Variants in GPHN observed in about 807,000 individuals in gnomAD.
GPHN encodes gephyrin.
In GPHN, 17 loss-of-function variants were observed where a neutral mutation model predicts 95.5. The observed-to-expected ratio is 0.18, with a 90% CI of 0.12 to 0.27. GPHN has a LOEUF of 0.27. GPHN is among the 10% of genes least tolerant of loss of function. GPHN has a pLI of 1.00. For missense variants in GPHN, 660 were observed against 978.1 expected (o/e 0.67, Z 4.34); for synonymous variants, 320 against 322.5 (o/e 0.99, Z 0.08).
intron 8 of GPHN, among the ~76,000 whole-genome samples, chr14:66,946,082 C>T (rs1393487766): frequency 6.6e-6 from 1 of 151,678 alleles, no homozygotes; most frequent in Admixed American, 6.6e-5. Context: ...TCAGAGGAAA[C>T]TTAGACATGT....
the GPHN span, among the ~76,000 whole-genome samples, chr14:67,235,443 C>T: frequency 2.6e-5 from 4 of 152,116 alleles, no homozygotes; most frequent in Admixed American, 6.5e-5. Context: ...GGGCCAGGCG[C>T]GGTGGCTCAC....
the GPHN span, among the ~76,000 whole-genome samples, chr14:67,373,431 G>C: frequency 6.6e-6 from 1 of 152,142 alleles, no homozygotes; most frequent in Admixed American, 6.5e-5. Context: ...GATGTGAAAG[G>C]GCATTTGACA....
At chr14:67,392,758 G>A in the GPHN span, 3 of 1,614,088 alleles carry the variant, frequency 1.9e-6, no homozygotes, top group South Asian at 3.3e-5. Context: ...GCCTGAGGAA[G>A]TTCTCCTCCA....
intron 5 of GPHN, among the ~76,000 whole-genome samples, chr14:66,906,163 G>T (rs779960272): frequency 6.6e-6 from 1 of 152,064 alleles, no homozygotes; most frequent in Admixed American, 6.5e-5. Flanking sequence ...TCGTGCCCAG[G>T]GAACCTGTGG....
At chr14:67,382,895 A>G in the GPHN span, among the ~76,000 whole-genome samples, 1 of 146,800 alleles carries the variant, frequency 6.8e-6, no homozygotes, top group Non-Finnish European at 1.5e-5. Context: ...AAGTGTGTGT[A>G]CGTGCGTGCG....
chr14:67,597,801 C>T, the GPHN span, among the ~76,000 whole-genome samples: 1 of 150,774 alleles, frequency 6.6e-6, no homozygotes, highest in Non-Finnish European at 1.5e-5. Flanking sequence ...AATATCCCAT[C>T]ACATCCAAGG....
chr14:67,187,731 A>C, the GPHN span, among the ~76,000 whole-genome samples: 1 of 152,088 alleles, frequency 6.6e-6, no homozygotes, highest in Non-Finnish European at 1.5e-5. Context: ...GTTACCCCTC[A>C]AACCCTGTCA....
At chr14:67,042,513 A>G (rs2074763220) in intron 10 of GPHN, among the ~76,000 whole-genome samples, 1 of 152,298 alleles carries the variant, frequency 6.6e-6, no homozygotes, top group South Asian at 2.1e-4. Context: ...TGTGTGTGTC[A>G]GGTTTGTCAA....
intron 2 of GPHN, among the ~76,000 whole-genome samples, chr14:66,756,618 C>G (rs1198547148): frequency 3.3e-5 from 5 of 152,120 alleles, no homozygotes; most frequent in Non-Finnish European, 1.5e-5. Context: ...TTTAAGTGAT[C>G]AATCCTGGAC....
At chr14:66,933,977 G>A (rs147075497) in intron 8 of GPHN, among the ~76,000 whole-genome samples, 173 of 151,616 alleles carry the variant, frequency 1.1e-3, no homozygotes, top group Middle Eastern at 0.01. Context: ...CATCTCTACT[G>A]AAAAATAAAA....
At chr14:67,477,596 C>A in the GPHN span, among the ~76,000 whole-genome samples, 13 of 152,154 alleles carry the variant, frequency 8.5e-5, no homozygotes, top group Admixed American at 3.3e-4. Context: ...ACAGCTCCCC[C>A]TAATGTCCCA....
the GPHN span, among the ~76,000 whole-genome samples, chr14:67,535,370 CTTTTTTTTTTTTTTT>C: frequency 1.3e-5 from 1 of 74,192 alleles, no homozygotes; most frequent in African/African-American, 6.1e-5. Context: ...GTGAGCACAT[CTTTTTTTTTTTTTTT>C]TTTTTTTTTT....
chr14:66,893,325 A>G lies in GPHN; in HGVS notation c.389+13292A>G, dbSNP rs188178537. Among the ~76,000 whole-genome samples the G allele has an allele frequency of 1.5e-4, 23 of 152,236 alleles. No homozygotes were observed. The East Asian group carries it at 3.7e-3, about 24-fold the overall frequency. On this transcript the variant is annotated intron_variant, in intron 5 of 22. Coordinates refer to ENST00000478722, the MANE Select transcript of GPHN (RefSeq NM_020806.5). ...CTGGGGCTCATCGGACAGTGGGGGC[A>G]GGACAGTGGTTGCAGCCCACTGAGT...
chr14:66,576,246 C>T (rs759936785), intron 1 of GPHN, among the ~76,000 whole-genome samples: 3 of 152,052 alleles, frequency 2.0e-5, no homozygotes, highest in Non-Finnish European at 4.4e-5. Flanking sequence ...AGGCTGGGGC[C>T]ACAGGAGCTG....
intron 1 of GPHN, among the ~76,000 whole-genome samples, chr14:66,555,591 C>T (rs558247805): frequency 6.6e-6 from 1 of 152,118 alleles, no homozygotes; most frequent in East Asian, 1.9e-4. Context: ...CTACCAAATA[C>T]ATTATCATTG....
the GPHN span, among the ~76,000 whole-genome samples, chr14:67,606,668 C>T: frequency 9.9e-5 from 15 of 151,992 alleles, no homozygotes; most frequent in African/African-American, 4.8e-5. Flanking sequence ...TGTTTTGAGA[C>T]GGAGTTTTGC....
chr14:66,559,225 A>C (rs1271528872), intron 1 of GPHN, among the ~76,000 whole-genome samples: 1 of 152,174 alleles, frequency 6.6e-6, no homozygotes, highest in African/African-American at 2.4e-5. Flanking sequence ...TTATAGCAGC[A>C]TGATTTATAG....
At chr14:67,487,911 A>G in the GPHN span, among the ~76,000 whole-genome samples, 1 of 152,164 alleles carries the variant, frequency 6.6e-6, no homozygotes, top group African/African-American at 2.4e-5. Flanking sequence ...GGCGTGAGCC[A>G]CTGTGCCTGG....
At chr14:66,883,034 T>A (rs1191095933) in intron 5 of GPHN, among the ~76,000 whole-genome samples, 1 of 151,822 alleles carries the variant, frequency 6.6e-6, no homozygotes, top group Non-Finnish European at 1.5e-5. Flanking sequence ...ATGATGTATC[T>A]GGGTGTAGTT....
Sources: allele counts gnomAD v4.1 joint callset (sites outside exome capture counted in the v4.1 genomes callset), GRCh38; gene constraint gnomAD v4.1.1; transcripts MANE v1.5; gene names NCBI Gene and HGNC (gene_info 2026-07-23, HGNC 2026-07-21).